Variants in SZRD1 observed in about 807,000 individuals in gnomAD.
SZRD1 encodes SUZ RNA-binding domain-containing.
In SZRD1, 7 loss-of-function variants were observed where a neutral mutation model predicts 17.6. The ratio of observed to expected loss-of-function variants is 0.40; its 90% CI spans 0.23 to 0.75. The LOEUF (loss-of-function observed/expected upper bound fraction) is 0.75, where lower values mean the gene tolerates loss of function less well. Ranked by LOEUF, SZRD1 falls within the 30% of genes least tolerant of loss-of-function variation. The probability of loss-of-function intolerance (pLI) is 0.38; values close to 1 mark genes in which losing one functional copy is unlikely to be tolerated. For synonymous variants in SZRD1, 77 were observed against 77.9 expected (o/e 0.99, Z 0.06); for missense variants, 178 against 201.8 (o/e 0.88, Z 0.71).
intron 1 of SZRD1, among the ~76,000 whole-genome samples, chr1:16,388,768 C>T (rs1331994885): frequency 6.7e-6 from 1 of 148,394 alleles, no homozygotes; most frequent in Non-Finnish European, 1.5e-5. Context: ...TCACTGCAGC[C>T]TCCCTAGTAG....
At position 16,393,176 on chromosome 1, in the gene SZRD1, G is replaced by A; in HGVS notation, c.102-52G>A. The stretch of plus-strand genomic sequence containing the variant: ...AGAGGTGGGTGTGGGACATGGACAG[G>A]GCCTCCTTAGTCAGGAGCATGATTT... On this transcript the variant is annotated intron_variant, in intron 2 of 3. Coordinates refer to ENST00000401088, the MANE Select transcript of SZRD1 (RefSeq NM_001114600.3). The surrounding 1 kb of genome is among the most constrained non-coding windows in gnomAD (Gnocchi z 5.6). The A allele has an allele frequency of 3.8e-6, 6 of 1,593,966 alleles. No homozygotes were observed. Among genetic ancestry groups the A allele is most frequent in the Non-Finnish European group, 5.1e-6 (6 of 1,166,360 alleles).
chr1:16,367,263 A>C lies in SZRD1; in HGVS notation c.6A>C (p.Glu2Asp). Residue 2 changes from glutamate (E) to aspartate (D), a missense_variant, in exon 1 of 4, where the codon GAA (glutamate) becomes GAC (aspartate). This residue lies in a region of SZRD1 where 117 missense variants were observed against 108.7 expected (regional missense o/e 1.08). Transcript: ENST00000401088. M[E>D]DEEVAESWEE... ...GAGGGAAAGCGGCGAGTAAGATGGA[A>C]GATGAGGAGGTCGCTGAGAGCTGGG... The C allele has an allele frequency of 1.9e-6, 3 of 1,548,652 alleles. No homozygotes were observed. Among genetic ancestry groups the C allele is most frequent in the Non-Finnish European group, 2.6e-6 (3 of 1,146,496 alleles).
At chr1:16,392,911 A>G (rs2085241256) in intron 2 of SZRD1, among the ~76,000 whole-genome samples, 3 of 152,212 alleles carry the variant, frequency 2.0e-5, no homozygotes, top group African/African-American at 7.2e-5. Flanking sequence ...GTTTTGCTGC[A>G]GGGCCAAATA....
Position 16,391,298 on chromosome 1 carries a change from T to G in SZRD1, c.52-77T>G. 5.4e-6 allele frequency: 6 copies of G among 1,111,736 alleles called. No individual in the cohort carries two copies. The highest frequency in any genetic ancestry group is 8.0e-6 in the Non-Finnish European group (6 of 753,486). 68.9% of individuals were successfully genotyped at this position (1,111,736 alleles called of 1,614,324 possible). A position where few individuals can be genotyped will look rare whatever the true frequency, so the allele number is the denominator to read the frequency against. On this transcript the variant is annotated intron_variant, in intron 1 of 3. Coordinates refer to ENST00000401088, the MANE Select transcript of SZRD1 (RefSeq NM_001114600.3). The surrounding 1 kb of genome is among the most constrained non-coding windows in gnomAD (Gnocchi z 4.3). Reference sequence around the variant, plus strand: ...CCTGGCTAGAGAAAGGACACTGCCCTTAGCTCCAAAAATAAAGACTAAGTT... The same window carrying G: ...CCTGGCTAGAGAAAGGACACTGCCCGTAGCTCCAAAAATAAAGACTAAGTT...
chr1:16,387,540 G>C (rs1353678059), intron 1 of SZRD1: 14 of 456,570 alleles, frequency 3.1e-5, no homozygotes, highest in African/African-American at 1.0e-4. Context: ...GCCGTCATTA[G>C]GCAGGGCAAG....
intron 1 of SZRD1, among the ~76,000 whole-genome samples, chr1:16,374,919 C>T (rs1029260617): frequency 7.2e-5 from 11 of 152,140 alleles, no homozygotes; most frequent in African/African-American, 1.9e-4. Context: ...GCTCTGTCGC[C>T]GAGGCTGGAG....
At chr1:16,369,856 T>C (rs1338832831) in intron 1 of SZRD1, among the ~76,000 whole-genome samples, 1 of 140,058 alleles carries the variant, frequency 7.1e-6, no homozygotes, top group Admixed American at 7.6e-5. Flanking sequence ...GCCATTGCAC[T>C]CCAGCCTGGG....
At chr1:16,392,860 C>T (rs149475944) in intron 2 of SZRD1, among the ~76,000 whole-genome samples, 3 of 152,214 alleles carry the variant, frequency 2.0e-5, no homozygotes. Context: ...CGTAGAGAAG[C>T]TGGGATCTTA....
rs143240168 is a variant in SZRD1, at chr1:16,385,256, G to C, written c.52-6119G>C. ...GGCTTGTATACTGAGGCACAGAGTG[G>C]GGAGGCCTGCTGTCCTTGGGGAGTG... On this transcript the variant is annotated intron_variant, in intron 1 of 3. Coordinates refer to ENST00000401088, the MANE Select transcript of SZRD1 (RefSeq NM_001114600.3). Among the ~76,000 whole-genome samples the C allele has an allele frequency of 4.6e-3, 696 of 152,234 alleles. 1 individual carries two copies. Among genetic ancestry groups the C allele is most frequent in the Non-Finnish European group, 7.7e-3 (525 of 68,006 alleles).
chr1:16,378,051 C>T (rs750020869), intron 1 of SZRD1, among the ~76,000 whole-genome samples: 26 of 152,070 alleles, frequency 1.7e-4, no homozygotes, highest in Non-Finnish European at 2.6e-4. Context: ...CCATTAGATT[C>T]GACCCCATTT....
chr1:16,389,297 C>T (rs112530781), intron 1 of SZRD1, among the ~76,000 whole-genome samples: 2 of 149,776 alleles, frequency 1.3e-5, no homozygotes, highest in African/African-American at 4.9e-5. Flanking sequence ...CAGAGTCTTG[C>T]TCTGTCGCCC....
At position 16,393,205 on chromosome 1, in the gene SZRD1, A is replaced by G. The variant is rs762348273; in HGVS notation, c.102-23A>G. ...TCCTTAGTCAGGAGCATGATTTGTG[A>G]AGCTGTGTTTGCTCTTTGTCAGCAG... On this transcript the variant is annotated intron_variant, in intron 2 of 3. Transcript: ENST00000401088. This position sits in a 1 kb window ranked among gnomAD's most constrained non-coding sequence, Gnocchi z 5.6. 5 of 1,610,470 alleles carry G rather than the reference A, an allele frequency of 3.1e-6. No homozygotes were observed. The South Asian group carries it at 5.5e-5, about 18-fold the overall frequency.
At chr1:16,380,080 A>G (rs1376432128) in intron 1 of SZRD1, among the ~76,000 whole-genome samples, 1 of 152,214 alleles carries the variant, frequency 6.6e-6, no homozygotes, top group Non-Finnish European at 1.5e-5. Context: ...CTGGGGAAAG[A>G]TGGACAATAA....
At chr1:16,376,852 G>A (rs549993854) in intron 1 of SZRD1, among the ~76,000 whole-genome samples, 1 of 151,752 alleles carries the variant, frequency 6.6e-6, no homozygotes, top group South Asian at 2.1e-4. Context: ...AAATGGAGGG[G>A]GCGGTGGTCT....
chr1:16,389,781 G>A (rs2085194730), intron 1 of SZRD1, among the ~76,000 whole-genome samples: 1 of 152,204 alleles, frequency 6.6e-6, no homozygotes, highest in African/African-American at 2.4e-5. Flanking sequence ...GAGCACTTAC[G>A]AAAATGGCCT....
intron 1 of SZRD1, among the ~76,000 whole-genome samples, chr1:16,382,670 CT>C (rs2083125070): frequency 6.8e-6 from 1 of 147,456 alleles, no homozygotes; most frequent in Non-Finnish European, 1.5e-5. Flanking sequence ...AATTTTTGCA[CT>C]TTTGGTGGAG....
chr1:16,386,066 A>G (rs1377887911), intron 1 of SZRD1, among the ~76,000 whole-genome samples: 1 of 152,218 alleles, frequency 6.6e-6, no homozygotes, highest in Non-Finnish European at 1.5e-5. Flanking sequence ...GTTTGGCAAC[A>G]GTAGATCTTT....
chr1:16,369,052 T>G (rs1569986157), intron 1 of SZRD1: 1 of 256,452 alleles, frequency 3.9e-6, no homozygotes, highest in East Asian at 9.3e-5. Flanking sequence ...ATTTAGAGAC[T>G]TAGGTCTTTC....
chr1:16,387,806 T>C (rs2085151265), intron 1 of SZRD1: 4 of 417,174 alleles, frequency 9.6e-6, no homozygotes, highest in Middle Eastern at 3.9e-4. Flanking sequence ...TAATAGGCAA[T>C]AGACTAATAT....
Sources: gnomAD v4.1 joint callset for allele counts (sites outside exome capture counted in the v4.1 genomes callset) on GRCh38, gnomAD v4.1.1 for gene constraint, gnomAD v4.1.1 regional missense constraint, Gnocchi (gnomAD v3.1) non-coding constraint, MANE v1.5 for transcripts, NCBI Gene and HGNC (gene_info 2026-07-23, HGNC 2026-07-21) for gene names.